The following AK2 variants were observed in gnomAD, a reference collection of about 807,000 sequenced individuals.
The protein encoded by AK2 is adenylate kinase 2, also known as adenylate kinase 2, mitochondrial.
AK2 carries 15 observed loss-of-function variants against 24.6 expected under a neutral mutation model. That is an observed-to-expected ratio of 0.61 (90% CI 0.41 to 0.94). The LOEUF (loss-of-function observed/expected upper bound fraction) is 0.94. Among genes scored for constraint, AK2 ranks in the 40% least tolerant of loss-of-function variants. The probability of loss-of-function intolerance (pLI) is 0.00; values close to 1 mark genes in which losing one functional copy is unlikely to be tolerated. For missense variants in AK2, 257 were observed against 304.1 expected, an observed-to-expected ratio of 0.85 and a Z score of 1.15; for synonymous variants, 102 against 114.0, an observed-to-expected ratio of 0.90 and a Z score of 0.67.
chr1:33,015,565 G>A (rs1451067324), intron 4 of AK2, among the ~76,000 whole-genome samples: 1 of 152,208 alleles, frequency 6.6e-6, no homozygotes, highest in African/African-American at 2.4e-5. Flanking sequence ...TTAGACTAGA[G>A]CTCCCTAATA....
In AK2 at chr1:33,012,731, T is replaced by C. The variant is rs1375260421; in HGVS notation, c.*450A>G. On this transcript the variant is annotated 3_prime_UTR_variant, in exon 6 of 6. Transcript: ENST00000672715. ...GGGCAACTTGGCAAAATCCTGTCTC[T>C]ACAAAAAATACAAATATCAGCCAGG... The C allele has an allele frequency of 9.9e-7, 1 of 1,006,702 alleles. No homozygotes were observed. The highest frequency in any genetic ancestry group is 1.3e-5 in the South Asian group (1 of 74,976). The allele number at this position is 1,006,702 out of a possible 1,614,324, so 62.4% of individuals were successfully genotyped here.
At chr1:33,017,532 T>G (rs1639267838) in intron 4 of AK2, among the ~76,000 whole-genome samples, 1 of 152,154 alleles carries the variant, frequency 6.6e-6, no homozygotes, top group Non-Finnish European at 1.5e-5. Flanking sequence ...CTGCAACAAA[T>G]ATGACTCCCA....
intron 1 of AK2, chr1:33,031,281 T>G (rs1389298480): frequency 5.5e-6 from 1 of 180,356 alleles, no homozygotes. Context: ...CAATGTAAAT[T>G]AATGACTACT....
chr1:33,023,818 C>T (rs1639698710), intron 2 of AK2, among the ~76,000 whole-genome samples: 1 of 152,176 alleles, frequency 6.6e-6, no homozygotes. Flanking sequence ...AGAAAAACTT[C>T]AAGAATACTA....
At chr1:33,025,807 T>C (rs994628732) in intron 1 of AK2, among the ~76,000 whole-genome samples, 3 of 152,240 alleles carry the variant, frequency 2.0e-5, no homozygotes, top group South Asian at 2.1e-4. Context: ...ATGCAGGCCC[T>C]GGCATATAGT....
rs747117163 is a variant in AK2 at position 33,036,829 on chromosome 1, G to A, written c.-1C>T. 3 of 1,586,578 alleles carry A rather than the reference G, an allele frequency of 1.9e-6. No homozygotes were observed. Among genetic ancestry groups the A allele is most frequent in the Non-Finnish European group, 2.6e-6 (3 of 1,167,042 alleles). On this transcript the variant is annotated 5_prime_UTR_variant, in exon 1 of 6. Coordinates refer to ENST00000672715, the MANE Select transcript of AK2 (RefSeq NM_001625.4). ...CTGCCGCTGGCACGCTGGGAGCCAT[G>A]TCCGCCGAAGTCTCTCACTGCCACC...
At chr1:33,024,637 G>C in intron 1 of AK2, 70 bp from the exon 2 acceptor site, 1 of 1,597,882 alleles carries the variant, frequency 6.3e-7, no homozygotes, top group African/African-American at 1.3e-5. Flanking sequence ...GCCTAGGTGT[G>C]AACCTGGCCC....
intron 4 of AK2, among the ~76,000 whole-genome samples, chr1:33,020,980 C>T (rs1007251675): frequency 6.6e-5 from 10 of 152,012 alleles, no homozygotes; most frequent in African/African-American, 2.4e-4. Flanking sequence ...TCCATCTCTA[C>T]TAAAAATACA....
chr1:33,022,165 C>T (rs138541910), intron 2 of AK2, among the ~76,000 whole-genome samples: 233 of 152,086 alleles, frequency 1.5e-3, no homozygotes, highest in African/African-American at 4.5e-3. Context: ...ATGGGGTTGA[C>T]CAAAACACAG....
intron 1 of AK2, among the ~76,000 whole-genome samples, chr1:33,027,074 C>T (rs1468000669): frequency 6.6e-6 from 1 of 152,048 alleles, no homozygotes; most frequent in African/African-American, 2.4e-5. Flanking sequence ...TGCGGCGAGC[C>T]GAGATCCAGC....
At position 33,009,468 on chromosome 1, in the gene AK2, C is replaced by A. The variant is rs1185082737; in HGVS notation, c.*3713G>T. The A allele has an allele frequency of 2.2e-6, 1 of 454,132 alleles. No individual in the cohort carries two copies. The highest frequency in any genetic ancestry group is 4.4e-6 in the Non-Finnish European group (1 of 226,794). 28.1% of individuals were successfully genotyped at this position (454,132 alleles called of 1,614,324 possible). ...TCCATTCAACAGTTATCCAGCCTGG[C>A]AGGAAGCAGATATCTTTCTGTGTAT... is the stretch of plus-strand genomic sequence containing the variant. On this transcript the variant is annotated 3_prime_UTR_variant, in exon 6 of 6. Transcript: ENST00000672715.
chr1:33,017,034 T>G (rs61594059), intron 4 of AK2, among the ~76,000 whole-genome samples: 1 of 152,248 alleles, frequency 6.6e-6, no homozygotes, highest in African/African-American at 2.4e-5. Flanking sequence ...AGAGATGAGG[T>G]CTCACTATGT....
In AK2 at chr1:33,011,881, G is replaced by T. The variant is rs1379822327; in HGVS notation, c.*1300C>A. The stretch of plus-strand genomic sequence containing the variant: ...ATGGCTATAGCCATCATAAAATTAG[G>T]GGTGAAGGGTTGGATCTAGAAAGGA... On this transcript the variant is annotated 3_prime_UTR_variant, in exon 6 of 6. Coordinates refer to ENST00000672715, the MANE Select transcript of AK2 (RefSeq NM_001625.4). 1 of 1,528,700 alleles carries T rather than the reference G, an allele frequency of 6.5e-7. No homozygotes were observed. The highest frequency in any genetic ancestry group is 2.5e-5 in the East Asian group (1 of 40,622). The allele number at this position is 1,528,700 out of a possible 1,614,324, so 94.7% of individuals were successfully genotyped here.
At chr1:33,033,851 G>A (rs1640401966) in intron 1 of AK2, among the ~76,000 whole-genome samples, 1 of 152,064 alleles carries the variant, frequency 6.6e-6, no homozygotes, top group East Asian at 1.9e-4. Flanking sequence ...TGTTATTGTA[G>A]GCTACCATTT....
At chr1:33,017,928 CT>C (rs1013428074) in intron 4 of AK2, among the ~76,000 whole-genome samples, 7 of 151,368 alleles carry the variant, frequency 4.6e-5, no homozygotes, top group Non-Finnish European at 7.4e-5. Flanking sequence ...ACCTGGCTAA[CT>C]TTTTTTTTGC....
chr1:33,021,090 G>A (rs1385331414), intron 4 of AK2, among the ~76,000 whole-genome samples: 1 of 151,814 alleles, frequency 6.6e-6, no homozygotes, highest in East Asian at 1.9e-4. Context: ...AGGTTGCAGT[G>A]AGCCGAGACT....
At chr1:33,031,490 A>C (rs1640231046) in intron 1 of AK2, 1 of 432,152 alleles carries the variant, frequency 2.3e-6, no homozygotes, top group South Asian at 1.6e-5. Context: ...ATGGGTGACT[A>C]TGTTGTAATT....
intron 4 of AK2, among the ~76,000 whole-genome samples, chr1:33,016,927 G>A (rs189354849): frequency 0.012 from 1,821 of 151,514 alleles, 17 homozygotes; most frequent in African/African-American, 0.025. Flanking sequence ...GGCTGGTCTC[G>A]AACTCCTGAC....
chr1:33,012,813 C>T lies in AK2; in HGVS notation c.*368G>A, dbSNP rs781078189. 7.5e-4 allele frequency: 850 copies of T among 1,131,204 alleles called. 1 individual carries two copies. The highest frequency in any genetic ancestry group is 9.1e-4 in the Non-Finnish European group (772 of 845,052). 70.1% of individuals were successfully genotyped at this position (1,131,204 alleles called of 1,614,324 possible). A position where few individuals can be genotyped will look rare whatever the true frequency, so the allele number is the denominator to read the frequency against. Reference sequence around the variant, plus strand: ...TCAGGAGGCTGAGGTGGGATAATTGCTTGAGCCCCAGGAGGCAGAGGTTGC... The same window carrying T: ...TCAGGAGGCTGAGGTGGGATAATTGTTTGAGCCCCAGGAGGCAGAGGTTGC... On this transcript the variant is annotated 3_prime_UTR_variant, in exon 6 of 6. Transcript: ENST00000672715.
Sources: gnomAD v4.1 joint callset for allele counts (sites outside exome capture counted in the v4.1 genomes callset) on GRCh38, gnomAD v4.1.1 for gene constraint, MANE v1.5 for transcripts, NCBI Gene and HGNC (gene_info 2026-07-23, HGNC 2026-07-21) for gene names.